Variants in RBFOX1 observed in about 807,000 individuals in gnomAD.
RBFOX1 encodes the protein RNA binding protein fox-1 homolog 1.
A neutral mutation model predicts 57.7 loss-of-function variants in RBFOX1; 8 were observed. That is an observed-to-expected ratio of 0.14 (90% CI 0.08 to 0.25). The LOEUF is 0.25. RBFOX1 is among the 10% of genes least tolerant of loss of function. The pLI, the probability that RBFOX1 is intolerant of heterozygous loss-of-function variation, is 1.00. For missense variants in RBFOX1, 611 were observed against 548.5 expected, an observed-to-expected ratio of 1.11 and a Z score of -1.14; for synonymous variants, 326 against 222.4, an observed-to-expected ratio of 1.47 and a Z score of -4.15.
intron 3 of RBFOX1, among the ~76,000 whole-genome samples, chr16:6,886,125 G>T (rs1047964254): frequency 6.7e-6 from 1 of 149,172 alleles, no homozygotes; most frequent in South Asian, 2.2e-4. Flanking sequence ...GCAGTGACGT[G>T]ATCTCGGCTC....
chr16:6,964,121 G>C (rs978596393), intron 3 of RBFOX1, among the ~76,000 whole-genome samples: 50 of 151,748 alleles, frequency 3.3e-4, no homozygotes, highest in African/African-American at 1.2e-3. Context: ...CGAATCAAGC[G>C]ATTCTCCTGC....
At chr16:6,342,847 T>A (rs958765898) in intron 2 of RBFOX1, among the ~76,000 whole-genome samples, 3 of 152,140 alleles carry the variant, frequency 2.0e-5, no homozygotes, top group African/African-American at 7.2e-5. Flanking sequence ...ATTCATTTGG[T>A]GTGAGAGGAA....
intron 2 of RBFOX1, among the ~76,000 whole-genome samples, chr16:5,537,141 T>C (rs1232150348): frequency 1.3e-5 from 2 of 152,202 alleles, no homozygotes; most frequent in Non-Finnish European, 2.9e-5. Flanking sequence ...TAGGGCAGTT[T>C]AGGCTTTTCT....
chr16:5,379,161 C>T (rs1385822218), intron 1 of RBFOX1, among the ~76,000 whole-genome samples: 1 of 151,610 alleles, frequency 6.6e-6, no homozygotes, highest in Admixed American at 6.5e-5. Flanking sequence ...GGGCCAGGGT[C>T]ATGCGGGTGC....
chr16:6,494,668 G>C (rs955456548), intron 2 of RBFOX1, among the ~76,000 whole-genome samples: 1 of 152,204 alleles, frequency 6.6e-6, no homozygotes, highest in Non-Finnish European at 1.5e-5. Flanking sequence ...GTGACCGTGA[G>C]TTTCACTTCT....
chr16:5,785,250 C>T (rs866058022), intron 3 of RBFOX1, among the ~76,000 whole-genome samples: 16 of 152,178 alleles, frequency 1.1e-4, no homozygotes, highest in African/African-American at 3.9e-4. Flanking sequence ...GCAGTATGTT[C>T]AACCTCAACT....
chr16:6,639,948 C>G (rs1461425705), intron 2 of RBFOX1, among the ~76,000 whole-genome samples: 1 of 152,108 alleles, frequency 6.6e-6, no homozygotes, highest in East Asian at 1.9e-4. Context: ...TGACCCCTAA[C>G]TATGTGTCAG....
At chr16:5,701,884 A>G (rs1360911349) in intron 3 of RBFOX1, among the ~76,000 whole-genome samples, 1 of 152,162 alleles carries the variant, frequency 6.6e-6, no homozygotes, top group African/African-American at 2.4e-5. Context: ...TAACTTCGTA[A>G]TTTATTTCTA....
At chr16:6,301,350 A>G (rs2078801426) in intron 1 of RBFOX1, among the ~76,000 whole-genome samples, 1 of 152,250 alleles carries the variant, frequency 6.6e-6, no homozygotes, top group South Asian at 2.1e-4. Context: ...TGTTTTTCCA[A>G]TTGCCTAGAT....
chr16:7,465,374 T>C (rs1004042370), intron 4 of RBFOX1, among the ~76,000 whole-genome samples: 2 of 152,210 alleles, frequency 1.3e-5, no homozygotes, highest in African/African-American at 4.8e-5. Context: ...AGACCTTGGC[T>C]GCTTCATTTG....
intron 2 of RBFOX1, among the ~76,000 whole-genome samples, chr16:6,628,445 A>C (rs752205120): frequency 2.6e-5 from 4 of 152,232 alleles, no homozygotes; most frequent in African/African-American, 7.2e-5. Flanking sequence ...TATAGAAAAT[A>C]TGAAAGAATC....
chr16:5,892,128 G>T (rs183180206), intron 4 of RBFOX1, among the ~76,000 whole-genome samples: 1 of 152,324 alleles, frequency 6.6e-6, no homozygotes, highest in African/African-American at 2.4e-5. Context: ...GGATTACACA[G>T]GATGTTGAAA....
chr16:7,495,377 C>G (rs767829126), intron 4 of RBFOX1, among the ~76,000 whole-genome samples: 2 of 152,164 alleles, frequency 1.3e-5, no homozygotes, highest in Non-Finnish European at 2.9e-5. Flanking sequence ...GTTTTAAGTT[C>G]TTTGAGAAAT....
At chr16:6,460,515 T>G (rs1412738990) in intron 2 of RBFOX1, among the ~76,000 whole-genome samples, 1 of 150,584 alleles carries the variant, frequency 6.6e-6, no homozygotes, top group Admixed American at 6.6e-5. Flanking sequence ...TCAGCGATCA[T>G]TAGAGAGATG....
chr16:5,904,997 G>C (rs2058417686), intron 4 of RBFOX1, among the ~76,000 whole-genome samples: 1 of 134,482 alleles, frequency 7.4e-6, no homozygotes, highest in Admixed American at 7.6e-5. Context: ...AAAAAAAAGA[G>C]AGGTAATCAG....
In RBFOX1 at chr16:7,040,813, G is replaced by A. The variant is rs140655840; in HGVS notation, c.-15-11244G>A. The stretch of plus-strand genomic sequence containing the variant: ...TTTTCTAATGGATTCATAATATTCC[G>A]TAGTATAGGTCAAAGTTTGGCAAAT... On this transcript the variant is annotated intron_variant, in intron 3 of 15. Transcript: ENST00000550418. Among the ~76,000 whole-genome samples the A allele has an allele frequency of 9.6e-4, 146 of 152,202 alleles. No individual in the cohort carries two copies. The East Asian group carries it at 0.023, about 23-fold the overall frequency.
intron 3 of RBFOX1, among the ~76,000 whole-genome samples, chr16:6,687,515 CTG>C (rs2059609991): frequency 6.6e-6 from 1 of 152,266 alleles, no homozygotes; most frequent in African/African-American, 2.4e-5. Context: ...ATAAGCTAGT[CTG>C]TGCTTCAGTA....
chr16:6,338,362 C>G (rs889533830), intron 2 of RBFOX1, among the ~76,000 whole-genome samples: 1 of 152,110 alleles, frequency 6.6e-6, no homozygotes, highest in African/African-American at 2.4e-5. Flanking sequence ...TGTTAAGGTC[C>G]TCTCCATCAC....
At chr16:5,731,130 A>C (rs1432720038) in intron 3 of RBFOX1, among the ~76,000 whole-genome samples, 1 of 152,084 alleles carries the variant, frequency 6.6e-6, no homozygotes, top group Non-Finnish European at 1.5e-5. Flanking sequence ...CACTGTCATC[A>C]ACAGCACCAC....
Sources: allele counts gnomAD v4.1 joint callset (sites outside exome capture counted in the v4.1 genomes callset), GRCh38; gene constraint gnomAD v4.1.1; transcripts MANE v1.5; gene names NCBI Gene and HGNC (gene_info 2026-07-23, HGNC 2026-07-21).